ZNF365: variants seen among roughly 807,000 people sequenced by gnomAD.
The protein encoded by ZNF365 is zinc finger protein 365, also known as protein ZNF365.
In ZNF365, 22 loss-of-function variants were observed where a neutral mutation model predicts 35.0. The observed-to-expected ratio is 0.63, with a 90% confidence interval of 0.45 to 0.90. The LOEUF (loss-of-function observed/expected upper bound fraction) is 0.90. Among genes scored for constraint, ZNF365 ranks in the 40% least tolerant of loss-of-function variants. ZNF365 has a pLI of 0.00. For missense variants in ZNF365, 448 were observed against 500.3 expected (o/e 0.90, Z 1.00); for synonymous variants, 188 against 196.2 (o/e 0.96, Z 0.35).
intron 3 of ZNF365, among the ~76,000 whole-genome samples, chr10:62,414,613 C>T (rs953620742): frequency 2.6e-5 from 4 of 152,112 alleles, no homozygotes; most frequent in African/African-American, 9.7e-5. Flanking sequence ...TTTTTCTGTT[C>T]ATATGGCATC....
intron 3 of ZNF365, among the ~76,000 whole-genome samples, chr10:62,419,468 C>T (rs1840131706): frequency 1.4e-5 from 2 of 144,200 alleles, no homozygotes; most frequent in Admixed American, 7.0e-5. Context: ...CTCCATTTGG[C>T]TTTTGTTACA....
intron 4 of ZNF365, among the ~76,000 whole-genome samples, chr10:62,460,523 C>A (rs1840830552): frequency 6.6e-6 from 1 of 152,082 alleles, no homozygotes; most frequent in Non-Finnish European, 1.5e-5. Context: ...TCTTAAAATA[C>A]CTTATTGTAC....
chr10:62,453,030 C>T (rs1191789125), intron 3 of ZNF365, among the ~76,000 whole-genome samples: 1 of 152,056 alleles, frequency 6.6e-6, no homozygotes, highest in African/African-American at 2.4e-5. Context: ...GTTTGTGAAA[C>T]ACTGAATTAG....
At chr10:62,387,968 C>T (rs1473005545) in intron 2 of ZNF365, among the ~76,000 whole-genome samples, 1 of 152,164 alleles carries the variant, frequency 6.6e-6, no homozygotes, top group East Asian at 1.9e-4. Context: ...CATGTAGACC[C>T]CCTTGCTGTA....
chr10:62,454,213 A>G (rs1840727295), intron 3 of ZNF365, among the ~76,000 whole-genome samples: 2 of 152,228 alleles, frequency 1.3e-5, no homozygotes, highest in Admixed American at 1.3e-4. Flanking sequence ...CAAGCAGGAA[A>G]GTCATGTATT....
chr10:62,432,575 A>T (rs1840350397), intron 3 of ZNF365, among the ~76,000 whole-genome samples: 1 of 152,142 alleles, frequency 6.6e-6, no homozygotes, highest in Non-Finnish European at 1.5e-5. Flanking sequence ...TCTTTTTCTA[A>T]GCCCCTTACT....
downstream of ZNF365, among the ~76,000 whole-genome samples, chr10:62,405,690 C>G (rs773317642): frequency 1.4e-4 from 21 of 152,164 alleles, no homozygotes; most frequent in Non-Finnish European, 2.1e-4. Flanking sequence ...CCCAACTTGC[C>G]AAGGAATTTC....
At chr10:62,447,838 G>A (rs1840615441) in intron 3 of ZNF365, among the ~76,000 whole-genome samples, 1 of 152,194 alleles carries the variant, frequency 6.6e-6, no homozygotes, top group South Asian at 2.1e-4. Flanking sequence ...GCAACTGATG[G>A]AAGCTGAGCA....
Position 62,399,672 on chromosome 10 carries a change from C to G in ZNF365, c.1107C>G (p.Ser369=), listed in dbSNP as rs1472470456. ...AGGCCATTCACGAACAGGCTGAGTC[C>G]TCAAGAGACCTCTGCAGACCTCCAA... ...PAKAIHEQAE[S]SRDLCRPPKK... The change falls in exon 5 of 5, where the codon TCC becomes TCG. Residue 369 remains serine (S), a synonymous_variant. Coordinates refer to ENST00000395254, the MANE Select transcript of ZNF365 (RefSeq NM_014951.3). The G allele has an allele frequency of 1.9e-6, 3 of 1,614,012 alleles. No homozygotes were observed. The South Asian group carries it at 3.3e-5, about 18-fold the overall frequency.
chr10:62,478,520 T>C (rs1268480676), intron 4 of ZNF365, among the ~76,000 whole-genome samples: 1 of 152,246 alleles, frequency 6.6e-6, no homozygotes, highest in African/African-American at 2.4e-5. Context: ...AACTTTCTCC[T>C]CCTGCTTCAG....
At chr10:62,383,194 G>T in intron 2 of ZNF365, among the ~76,000 whole-genome samples, 1 of 152,174 alleles carries the variant, frequency 6.6e-6, no homozygotes, top group South Asian at 2.1e-4. Flanking sequence ...TGTGTGCTGG[G>T]CTCAGGTTAG....
Position 62,379,934 on chromosome 10 carries a change from A to G in ZNF365, c.743+2998A>G, listed in dbSNP as rs766481699. Among the ~76,000 whole-genome samples the G allele has an allele frequency of 2.0e-5, 3 of 152,328 alleles. No homozygotes were observed. The East Asian group carries it at 5.8e-4, about 29-fold the overall frequency. On this transcript the variant is annotated intron_variant, in intron 2 of 4. Coordinates refer to ENST00000395254, the MANE Select transcript of ZNF365 (RefSeq NM_014951.3). ...GTAGGTTGTTAACCATCTCATTCAC[A>G]ATTGACTTAAACTCTGGGGACCCTT...
At position 62,374,747 on chromosome 10, in the gene ZNF365, A is replaced by C. The variant is rs187420560; in HGVS notation, c.-14+289A>C. ...TTAGGGCTCTTCATCAGCCCAGTGG[A>C]CTGGGTTTCCTCTGGGCCCATAAAA... On this transcript the variant is annotated intron_variant, in intron 1 of 4. Coordinates refer to ENST00000395254, the MANE Select transcript of ZNF365 (RefSeq NM_014951.3). Among the ~76,000 whole-genome samples, 1,292 of 152,266 alleles carry C rather than the reference A, an allele frequency of 8.5e-3. 20 individuals are homozygous for C. The highest frequency in any genetic ancestry group is 0.03 in the African/African-American group (1,239 of 41,548).
chr10:62,408,313 C>T (rs1226920528), intron 3 of ZNF365, among the ~76,000 whole-genome samples: 1 of 152,030 alleles, frequency 6.6e-6, no homozygotes, highest in African/African-American at 2.4e-5. Flanking sequence ...TTAATGAACT[C>T]AAAGCAGAAA....
intron 3 of ZNF365, among the ~76,000 whole-genome samples, chr10:62,455,513 C>T (rs1840748092): frequency 6.6e-6 from 1 of 151,754 alleles, no homozygotes; most frequent in Non-Finnish European, 1.5e-5. Flanking sequence ...TCTATAATCC[C>T]ATGAACTGGA....
chr10:62,433,096 G>C (rs150438810), intron 3 of ZNF365, among the ~76,000 whole-genome samples: 159 of 152,248 alleles, frequency 1.0e-3, no homozygotes, highest in Middle Eastern at 6.8e-3. Context: ...CTAGATCATG[G>C]ACTGTTCCTT....
chr10:62,464,948 G>A (rs1373931559), intron 4 of ZNF365, among the ~76,000 whole-genome samples: 1 of 152,236 alleles, frequency 6.6e-6, no homozygotes, highest in East Asian at 1.9e-4. Context: ...GGGGCCGGAA[G>A]CAGGTGGTGC....
Position 62,401,084 on chromosome 10 carries a change from G to A in ZNF365, c.*1295G>A. On this transcript the variant is annotated 3_prime_UTR_variant, in exon 5 of 5. Transcript: ENST00000395254. Reference sequence around the variant, plus strand: ...CAGGTCTCTTGCAGAGTTTACAAGTGCTGACATTCTTCTGAAAACAGGAAT... The same window carrying A: ...CAGGTCTCTTGCAGAGTTTACAAGTACTGACATTCTTCTGAAAACAGGAAT... The A allele has an allele frequency of 1.0e-6, 1 of 985,258 alleles. No individual in the cohort carries two copies. The highest frequency in any genetic ancestry group is 1.7e-5 in the African/African-American group (1 of 57,228). 61.0% of individuals were successfully genotyped at this position (985,258 alleles called of 1,614,324 possible).
chr10:62,383,038 G>A (rs77466899), intron 2 of ZNF365, among the ~76,000 whole-genome samples: 7 of 152,278 alleles, frequency 4.6e-5, no homozygotes, highest in South Asian at 4.1e-4. Flanking sequence ...GGAGGTACCC[G>A]TAGGTTACTC....
Sources: gnomAD v4.1 joint callset for allele counts (sites outside exome capture counted in the v4.1 genomes callset) on GRCh38, gnomAD v4.1.1 for gene constraint, MANE v1.5 for transcripts, NCBI Gene and HGNC (gene_info 2026-07-23, HGNC 2026-07-21) for gene names.